The following PTGIS variants were observed in gnomAD, a reference collection of about 807,000 sequenced individuals.
The protein encoded by PTGIS is prostacyclin synthase.
A neutral mutation model predicts 50.3 loss-of-function variants in PTGIS; 45 were observed. That is an observed-to-expected ratio of 0.90 (90% CI 0.70 to 1.15). The LOEUF is 1.15. Among genes scored for constraint, PTGIS ranks in the 50% most tolerant of loss-of-function variants. The pLI, the probability that PTGIS is intolerant of heterozygous loss-of-function variation, is 0.00. For synonymous variants in PTGIS, 260 were observed against 267.7 expected, an observed-to-expected ratio of 0.97 and a Z score of 0.28; for missense variants, 668 against 661.3, an observed-to-expected ratio of 1.01 and a Z score of -0.11.
chr20:49,528,179 C>T (rs1981838374), intron 5 of PTGIS, among the ~76,000 whole-genome samples: 1 of 152,140 alleles, frequency 6.6e-6, no homozygotes, highest in Admixed American at 6.6e-5. Context: ...TACCCATGGT[C>T]AACCATGGTC....
At position 49,514,343 on chromosome 20, in the gene PTGIS, G is replaced by A. The variant is rs780105322; in HGVS notation, c.908C>T (p.Pro303Leu). 1 of 1,614,146 alleles carries A rather than the reference G, an allele frequency of 6.2e-7. No individual in the cohort carries two copies. The highest frequency in any genetic ancestry group is 8.5e-7 in the Non-Finnish European group (1 of 1,180,048). Residue 303 changes from proline (P) to leucine (L), a missense_variant, in exon 7 of 10, where the codon CCT becomes CTT. Pro to Leu is a moderately conservative substitution (Grantham distance 98, BLOSUM62 -3). Coordinates refer to ENST00000244043, the MANE Select transcript of PTGIS (RefSeq NM_000961.4). ...FWLLLFLLKN[P>L]EALAAVRGEL... ...TCCGCGGACAGCAGCCAGGGCTTCAGGATTCTTGAGAAGGAAGAGCAGGAG... is the reference window on the plus strand; with the variant it reads ...TCCGCGGACAGCAGCCAGGGCTTCAAGATTCTTGAGAAGGAAGAGCAGGAG...
At chr20:49,558,127 G>A (rs1432784576) in intron 1 of PTGIS, among the ~76,000 whole-genome samples, 1 of 152,220 alleles carries the variant, frequency 6.6e-6, no homozygotes, top group Non-Finnish European at 1.5e-5. Context: ...GGTGTCTCAT[G>A]CCTATAATCC....
rs1268149361 is a variant in PTGIS, at chr20:49,540,383, G to A, written c.522-662C>T. On this transcript the variant is annotated intron_variant, in intron 4 of 9. Transcript: ENST00000244043. This position sits in a 1 kb window ranked among gnomAD's most constrained non-coding sequence, Gnocchi z 4.8. The stretch of plus-strand genomic sequence containing the variant: ...CGTGTTCAGGCAACAGGCACAGCCT[G>A]TGCAAAGGCCCAGAGCTGAGAGTGC... Among the ~76,000 whole-genome samples the A allele has an allele frequency of 6.6e-6, 1 of 152,180 alleles. No individual in the cohort carries two copies. Among genetic ancestry groups the A allele is most frequent in the Non-Finnish European group, 1.5e-5 (1 of 68,020 alleles).
rs747759437 is a variant in PTGIS at position 49,514,380 on chromosome 20, C to T, written c.871G>A (p.Ala291Thr). 1.8e-5 allele frequency: 29 copies of T among 1,613,624 alleles called. No homozygotes were observed. In the East Asian group the frequency reaches 5.1e-4, roughly 29 times the overall value. ...LWATQGNMGP[A>T]AFWLLLFLLK... ...AGGAAGAGCAGGAGCCAGAAGGCAGCGGGACCCATATTCCCCTGCAAGGAG... is the reference window on the plus strand; with the variant it reads ...AGGAAGAGCAGGAGCCAGAAGGCAGTGGGACCCATATTCCCCTGCAAGGAG... The change falls in exon 7 of 10, where the codon GCT becomes ACT. Residue 291 changes from alanine to threonine, a missense_variant. Coordinates refer to ENST00000244043, the MANE Select transcript of PTGIS (RefSeq NM_000961.4).
chr20:49,535,761 C>A (rs997282994), intron 5 of PTGIS, among the ~76,000 whole-genome samples: 6 of 152,242 alleles, frequency 3.9e-5, no homozygotes, highest in Admixed American at 3.9e-4. Flanking sequence ...AGTGATCTAC[C>A]TGTCTCAGCC....
chr20:49,559,604 C>T (rs75416472), intron 1 of PTGIS, among the ~76,000 whole-genome samples: 5,323 of 152,244 alleles, frequency 0.035, 148 homozygotes, highest in Middle Eastern at 0.071. Context: ...TGCCACGAAA[C>T]GTTACTCAGC....
At chr20:49,541,930 G>A (rs1982241903) in intron 4 of PTGIS, among the ~76,000 whole-genome samples, 1 of 152,016 alleles carries the variant, frequency 6.6e-6, no homozygotes, top group Non-Finnish European at 1.5e-5. Flanking sequence ...AAATAAAGCT[G>A]AACCAAGCTG....
chr20:49,564,708 A>G (rs996534778), intron 1 of PTGIS, among the ~76,000 whole-genome samples: 4 of 152,118 alleles, frequency 2.6e-5, no homozygotes, highest in African/African-American at 9.7e-5. Context: ...GGAGTTGCTC[A>G]CTCCCAGAAG....
At chr20:49,539,830 C>G (rs1982180554) in intron 4 of PTGIS, 109 bp from the exon 5 acceptor site, 3 of 1,426,946 alleles carry the variant, frequency 2.1e-6, no homozygotes, top group Non-Finnish European at 2.9e-6. Context: ...ACTAATCCTA[C>G]TGTGCGCCAA....
intron 5 of PTGIS, among the ~76,000 whole-genome samples, chr20:49,534,941 G>A (rs1456404720): frequency 6.6e-6 from 1 of 152,186 alleles, no homozygotes; most frequent in Non-Finnish European, 1.5e-5. Context: ...GGGAGGTCAA[G>A]ATTGCAGTGA....
chr20:49,508,107 G>T, intron 9 of PTGIS, 43 bp from the exon 10 acceptor site: 1 of 1,610,166 alleles, frequency 6.2e-7, no homozygotes. Flanking sequence ...GAGGAGTAGG[G>T]CAGGGGGTTA....
intron 8 of PTGIS, 143 bp downstream of exon 8, chr20:49,512,937 A>ATT (rs1981362793): frequency 2.0e-6 from 2 of 980,712 alleles, no homozygotes; most frequent in Admixed American, 2.3e-5. Context: ...GTGAGGAAGC[A>ATT]AACACAGAGA....
chr20:49,557,436 A>T (rs12624936), intron 1 of PTGIS, among the ~76,000 whole-genome samples: 1 of 151,972 alleles, frequency 6.6e-6, no homozygotes, highest in Non-Finnish European at 1.5e-5. Flanking sequence ...ACTAAAAATT[A>T]AAAAAATTAG....
intron 6 of PTGIS, 27 bp downstream of exon 6, chr20:49,524,031 C>T: frequency 6.2e-7 from 1 of 1,613,946 alleles, no homozygotes; most frequent in Non-Finnish European, 8.5e-7. Context: ...CACACCTGCA[C>T]ACACCCACTT....
intron 9 of PTGIS, among the ~76,000 whole-genome samples, chr20:49,508,972 C>G (rs781614963): frequency 1.3e-5 from 2 of 152,202 alleles, no homozygotes; most frequent in African/African-American, 4.8e-5. Flanking sequence ...CCAACCCAGG[C>G]GCCCGATGCA....
At chr20:49,554,239 A>G (rs1235801040) in intron 1 of PTGIS, among the ~76,000 whole-genome samples, 9 of 152,158 alleles carry the variant, frequency 5.9e-5, no homozygotes, top group Admixed American at 5.9e-4. Context: ...CTCAGGTCCT[A>G]ACTGTTGTAG....
intron 1 of PTGIS, among the ~76,000 whole-genome samples, chr20:49,563,887 CA>C (rs1222987830): frequency 2.6e-5 from 4 of 152,352 alleles, no homozygotes; most frequent in South Asian, 4.1e-4. Flanking sequence ...GGTGGTCACA[CA>C]AGCCCAAAGG....
intron 1 of PTGIS, among the ~76,000 whole-genome samples, chr20:49,554,864 GA>G (rs1214074957): frequency 1.3e-5 from 2 of 152,182 alleles, no homozygotes; most frequent in African/African-American, 4.8e-5. Context: ...GGGTCAAGAT[GA>G]TTAAAATTTA....
At chr20:49,528,909 T>C (rs1291913611) in intron 5 of PTGIS, among the ~76,000 whole-genome samples, 1 of 152,096 alleles carries the variant, frequency 6.6e-6, no homozygotes, top group Non-Finnish European at 1.5e-5. Flanking sequence ...TTATGAGCAG[T>C]GGGAATTGGT....
Sources: gnomAD v4.1 joint callset for allele counts (sites outside exome capture counted in the v4.1 genomes callset) on GRCh38, gnomAD v4.1.1 for gene constraint, Gnocchi (gnomAD v3.1) non-coding constraint, MANE v1.5 for transcripts, NCBI Gene and HGNC (gene_info 2026-07-23, HGNC 2026-07-21) for gene names.